The following OARD1 variants were observed in gnomAD, a reference collection of about 807,000 sequenced individuals.
OARD1 encodes O-acyl-ADP-ribose deacylase 1.
Under a neutral mutation model 19.7 loss-of-function variants are expected in OARD1, and 19 were observed. The observed-to-expected ratio is 0.96, with a 90% CI of 0.67 to 1.41. The LOEUF (loss-of-function observed/expected upper bound fraction) is 1.41. OARD1 is among the 40% of genes most tolerant of loss of function. The pLI is 0.00. For missense variants in OARD1, 190 were observed against 183.8 expected, an observed-to-expected ratio of 1.03 and a Z score of -0.20; for synonymous variants, 70 against 61.8, an observed-to-expected ratio of 1.13 and a Z score of -0.62.
intron 1 of OARD1, chr6:41,089,448 G>C: frequency 1.1e-6 from 1 of 944,680 alleles, no homozygotes; most frequent in Non-Finnish European, 1.5e-6. Flanking sequence ...TCATAATGGA[G>C]GGCAGAGCAG....
At chr6:41,073,470 T>C (rs576451018), upstream of OARD1, among the ~76,000 whole-genome samples, 1 of 151,972 alleles carries the variant, frequency 6.6e-6, no homozygotes, top group Admixed American at 6.5e-5. Context: ...GCCTCGGCGA[T>C]TTCCTCCTGG....
intron 3 of OARD1, among the ~76,000 whole-genome samples, chr6:41,070,410 CCA>C (rs1212203160): frequency 6.6e-6 from 1 of 152,208 alleles, no homozygotes; most frequent in Non-Finnish European, 1.5e-5. Flanking sequence ...CCTCATTTGT[CCA>C]CAAACTTTCT....
intron 1 of OARD1, among the ~76,000 whole-genome samples, chr6:41,080,032 A>G (rs535646676): frequency 1.1e-4 from 17 of 152,296 alleles, no homozygotes; most frequent in Non-Finnish European, 2.2e-4. Context: ...AGGGCCCTCC[A>G]TTCACACCAG....
At chr6:41,091,447 TAGA>T in intron 1 of OARD1, 1 of 1,403,406 alleles carries the variant, frequency 7.1e-7, no homozygotes, top group Non-Finnish European at 9.8e-7. Flanking sequence ...GTATACCAGA[TAGA>T]AGAGGGACTA....
At chr6:41,089,477 C>T (rs972458015) in intron 1 of OARD1, 36 of 1,313,938 alleles carry the variant, frequency 2.7e-5, no homozygotes, top group Non-Finnish European at 3.5e-5. Context: ...TTTTCCTCTT[C>T]AGAACATTTT....
chr6:41,086,223 G>C (rs1314208925), intron 1 of OARD1, among the ~76,000 whole-genome samples: 1 of 152,076 alleles, frequency 6.6e-6, no homozygotes, highest in African/African-American at 2.4e-5. Flanking sequence ...TCATTACCAG[G>C]TCTGCCATTA....
chr6:41,069,185 C>G (rs1582000433), intron 4 of OARD1: 1 of 344,170 alleles, frequency 2.9e-6, no homozygotes, highest in Admixed American at 4.9e-5. Flanking sequence ...GCAATCTTTC[C>G]TTTTCCTAGG....
chr6:41,097,340 G>A, intron 1 of OARD1: 1 of 1,613,686 alleles, frequency 6.2e-7, no homozygotes. Context: ...TAATCATCAT[G>A]TCATCTTTGT....
At chr6:41,080,887 C>T in intron 1 of OARD1, 1 of 1,613,820 alleles carries the variant, frequency 6.2e-7, no homozygotes, top group Non-Finnish European at 8.5e-7. Flanking sequence ...CAAGTCCAGA[C>T]CCTCCAGGTA....
At chr6:41,077,441 T>C (rs1763770520), upstream of OARD1, among the ~76,000 whole-genome samples, 1 of 152,240 alleles carries the variant, frequency 6.6e-6, no homozygotes, top group African/African-American at 2.4e-5. Context: ...ATCCATTTTC[T>C]GTCTCTAGAT....
chr6:41,092,826 A>G (rs1040787619), intron 1 of OARD1: 5 of 1,445,812 alleles, frequency 3.5e-6, no homozygotes, highest in Non-Finnish European at 4.7e-6. Flanking sequence ...GGCATTTACA[A>G]AAAAAATGGA....
chr6:41,068,186 G>A (rs567777833), intron 5 of OARD1, among the ~76,000 whole-genome samples: 5 of 152,248 alleles, frequency 3.3e-5, no homozygotes, highest in South Asian at 2.1e-4. Context: ...AATGTGGGGC[G>A]CAAGATAAAA....
Position 41,071,585 on chromosome 6 carries a change from T to C in OARD1, c.39+11A>G. ...TTTCAGTTCACCAATAAGTCAATAG[T>C]TGTTACGCACTCTGCTTCCTTCTGG... On this transcript the variant is annotated intron_variant, in intron 2 of 5. Coordinates refer to ENST00000424266, the MANE Select transcript of OARD1 (RefSeq NM_001329686.2). 2 of 1,608,374 alleles carry C rather than the reference T, an allele frequency of 1.2e-6. No individual in the cohort carries two copies. The highest frequency in any genetic ancestry group is 2.2e-5 in the East Asian group (1 of 44,848).
At chr6:41,077,682 G>T (rs537324919) in intron 1 of OARD1, among the ~76,000 whole-genome samples, 3 of 152,250 alleles carry the variant, frequency 2.0e-5, no homozygotes, top group Non-Finnish European at 1.5e-5. Flanking sequence ...ATTCCAAAGA[G>T]ACTGGTGTAA....
chr6:41,097,258 A>T, intron 1 of OARD1: 1 of 1,080,854 alleles, frequency 9.3e-7, no homozygotes, highest in Non-Finnish European at 1.4e-6. Flanking sequence ...TTTACTTGGT[A>T]AAGTTATGTG....
chr6:41,080,810 G>T, intron 1 of OARD1: 2 of 1,612,662 alleles, frequency 1.2e-6, no homozygotes, highest in Non-Finnish European at 1.7e-6. Flanking sequence ...CCTGTTCTCA[G>T]CAGCAGGGTG....
intron 1 of OARD1, chr6:41,079,248 A>T (rs1763840069): frequency 7.9e-7 from 1 of 1,270,964 alleles, no homozygotes; most frequent in South Asian, 1.2e-5. Flanking sequence ...TGCCCTGGGG[A>T]ATTATTTGAA....
At position 41,071,214 on chromosome 6, in the gene OARD1, G is replaced by C; in HGVS notation, c.102C>G (p.Ile34Met). Reference sequence around the variant, plus strand: ...CAGCGCCCATGCGACAATCCTCACTGATACAGTGGGCTAAAGAGTCTGTTT... The same window carrying C: ...CAGCGCCCATGCGACAATCCTCACTCATACAGTGGGCTAAAGAGTCTGTTT... The part of the protein sequence containing the change: ...CPKTDSLAHC[I>M]SEDCRMGAGI... Residue 34 changes from isoleucine (I) to methionine (M), a missense_variant, in exon 3 of 6, where the codon ATC becomes ATG. Coordinates refer to ENST00000424266, the MANE Select transcript of OARD1 (RefSeq NM_001329686.2). The C allele has an allele frequency of 6.2e-7, 1 of 1,614,006 alleles. No individual in the cohort carries two copies. The highest frequency in any genetic ancestry group is 8.5e-7 in the Non-Finnish European group (1 of 1,179,836).
intron 1 of OARD1, chr6:41,094,479 G>A (rs767596771): frequency 3.6e-5 from 58 of 1,613,912 alleles, no homozygotes; most frequent in Non-Finnish European, 3.8e-5. Flanking sequence ...CAAAGGAAAA[G>A]GATAGTCCCC....
Sources: allele counts gnomAD v4.1 joint callset (sites outside exome capture counted in the v4.1 genomes callset), GRCh38; gene constraint gnomAD v4.1.1; transcripts MANE v1.5; gene names NCBI Gene and HGNC (gene_info 2026-07-23, HGNC 2026-07-21).